APP: variants seen among roughly 807,000 people sequenced by gnomAD.
APP encodes amyloid beta precursor protein, also known as amyloid-beta precursor protein.
In APP, 31 loss-of-function variants were observed where a neutral mutation model predicts 101.4. That is an observed-to-expected ratio of 0.31 (90% CI 0.23 to 0.41). The LOEUF (loss-of-function observed/expected upper bound fraction) is 0.41, where lower values mean the gene tolerates loss of function less well. Among genes scored for constraint, APP ranks in the 10% least tolerant of loss-of-function variants. APP has a pLI of 1.00. For missense variants in APP, 839 were observed against 1,003.7 expected (o/e 0.84, Z 2.22); for synonymous variants, 366 against 364.4 (o/e 1.00, Z -0.05).
In APP at chr21:25,942,907, T is replaced by G. The variant is rs541741806; in HGVS notation, c.1687+11683A>C. On this transcript the variant is annotated intron_variant, in intron 13 of 17. Coordinates refer to ENST00000346798, the MANE Select transcript of APP (RefSeq NM_000484.4). Reference sequence around the variant, plus strand: ...CATCCATCTTCCCCACTGAACTATTTTCAATATTGCCAAATTGAACCTCTG... The same window carrying G: ...CATCCATCTTCCCCACTGAACTATTGTCAATATTGCCAAATTGAACCTCTG... 8 of 152,298 alleles carry G rather than the reference T, an allele frequency of 5.3e-5. No homozygotes were observed. In the South Asian group the frequency reaches 1.7e-3, roughly 32 times the overall value. 9.4% of individuals were successfully genotyped at this position (152,298 alleles called of 1,614,324 possible). A position where few individuals can be genotyped will look rare whatever the true frequency, so the allele number is the denominator to read the frequency against.
intron 14 of APP, among the ~76,000 whole-genome samples, chr21:25,909,620 T>G (rs931753354): frequency 6.6e-6 from 1 of 152,228 alleles, no homozygotes; most frequent in Non-Finnish European, 1.5e-5. Flanking sequence ...CACGCAGATT[T>G]TCTCCTAAGG....
chr21:25,969,856 AAAG>A (rs942906325), intron 11 of APP, among the ~76,000 whole-genome samples: 2 of 54,866 alleles, frequency 3.6e-5, no homozygotes, highest in Non-Finnish European at 7.2e-5. Context: ...AAAGAAAACA[AAAG>A]AAAAGAAAAG....
intron 11 of APP, among the ~76,000 whole-genome samples, chr21:25,960,520 T>G (rs1388656171): frequency 1.3e-5 from 2 of 152,172 alleles, no homozygotes; most frequent in East Asian, 3.9e-4. Flanking sequence ...CGCTGGCTTT[T>G]TTTTAGCTTT....
intron 5 of APP, among the ~76,000 whole-genome samples, chr21:26,026,586 A>G (rs2146801374): frequency 6.6e-6 from 1 of 152,358 alleles, no homozygotes; most frequent in East Asian, 1.9e-4. Flanking sequence ...TGTTTATTAA[A>G]GTCATGCCAA....
At chr21:26,035,126 A>ATTGTT (rs2045043795) in intron 5 of APP, among the ~76,000 whole-genome samples, 1 of 151,370 alleles carries the variant, frequency 6.6e-6, no homozygotes, top group African/African-American at 2.5e-5. Flanking sequence ...TCTCCACTAA[A>ATTGTT]AATTAAAAAA....
At chr21:26,102,239 C>A (rs2062077541) in intron 2 of APP, among the ~76,000 whole-genome samples, 8 of 151,946 alleles carry the variant, frequency 5.3e-5, no homozygotes, top group Admixed American at 5.2e-4. Context: ...CAGGTGCCCA[C>A]CACCACGCCC....
At position 25,954,610 on chromosome 21, in the gene APP, T is replaced by C. The variant is rs1277287512; in HGVS notation, c.1667A>G (p.Glu556Gly). 1.2e-6 allele frequency: 2 copies of C among 1,613,942 alleles called. No individual in the cohort carries two copies. The highest frequency in any genetic ancestry group is 1.7e-6 in the Non-Finnish European group (2 of 1,179,874). Residue 556 changes from glutamate to glycine, a missense_variant, in exon 13 of 18, where the codon GAG becomes GGG. By Grantham distance (98) the Glu-to-Gly change is moderately conservative. Coordinates refer to ENST00000346798, the MANE Select transcript of APP (RefSeq NM_000484.4). ...SLLYNVPAVA[E>G]EIQDEVDELL... is the part of the protein sequence containing the mutation. ...CTTACCAACTTCATCCTGAATCTCC[T>C]CGGCCACTGCAGGCACGTTGTAGAG... is the stretch of plus-strand genomic sequence containing the variant.
At chr21:26,110,647 G>A (rs985641761) in intron 2 of APP, among the ~76,000 whole-genome samples, 5 of 151,830 alleles carry the variant, frequency 3.3e-5, no homozygotes, top group African/African-American at 9.7e-5. Flanking sequence ...TAAACAGAGC[G>A]CTATCAAAAC....
chr21:25,928,838 C>T (rs567701259), intron 13 of APP: 9 of 151,666 alleles, frequency 5.9e-5, no homozygotes, highest in Non-Finnish European at 1.2e-4. Context: ...ATGGCAACCT[C>T]GGCCTCCTGA....
chr21:26,103,266 C>T (rs990723568), intron 2 of APP, among the ~76,000 whole-genome samples: 1 of 152,200 alleles, frequency 6.6e-6, no homozygotes, highest in Non-Finnish European at 1.5e-5. Context: ...CAAATCTGGA[C>T]TACACGCCAA....
chr21:25,959,981 G>C (rs890687503), intron 11 of APP, among the ~76,000 whole-genome samples: 3 of 152,138 alleles, frequency 2.0e-5, no homozygotes, highest in African/African-American at 7.2e-5. Context: ...TTCCCGGACT[G>C]AACTGAGGGT....
At chr21:26,041,564 G>A (rs569671841) in intron 5 of APP, among the ~76,000 whole-genome samples, 1 of 152,236 alleles carries the variant, frequency 6.6e-6, no homozygotes, top group South Asian at 2.1e-4. Flanking sequence ...GAATCCTACA[G>A]TATTTCTCAT....
At chr21:25,997,580 CT>C (rs760941382) in intron 7 of APP, among the ~76,000 whole-genome samples, 164 bp from the exon 8 acceptor site, 1 of 152,134 alleles carries the variant, frequency 6.6e-6, no homozygotes, top group Non-Finnish European at 1.5e-5. Context: ...AACATAAGAT[CT>C]ATTTTCGTAA....
At chr21:26,052,383 G>C (rs1292149294) in intron 4 of APP, among the ~76,000 whole-genome samples, 1 of 152,152 alleles carries the variant, frequency 6.6e-6, no homozygotes, top group Non-Finnish European at 1.5e-5. Context: ...AGGGACAGGG[G>C]ATCAAAATTG....
intron 6 of APP, among the ~76,000 whole-genome samples, chr21:26,019,587 T>C (rs2044245599): frequency 6.6e-6 from 1 of 152,236 alleles, no homozygotes; most frequent in Admixed American, 6.5e-5. Flanking sequence ...GGTCTGTGTG[T>C]GCTCATCATC....
chr21:25,943,558 C>A (rs920410165), intron 13 of APP, among the ~76,000 whole-genome samples: 2 of 152,026 alleles, frequency 1.3e-5, no homozygotes, highest in African/African-American at 4.8e-5. Context: ...GTTCAATTCT[C>A]CAACCTCAGC....
At chr21:26,100,602 T>C (rs1046725393) in intron 2 of APP, among the ~76,000 whole-genome samples, 1 of 152,214 alleles carries the variant, frequency 6.6e-6, no homozygotes, top group East Asian at 1.9e-4. Context: ...GAGAAACAAT[T>C]CGTGTCTGGG....
chr21:25,965,479 AT>A (rs1272070064), intron 11 of APP, among the ~76,000 whole-genome samples: 2 of 152,160 alleles, frequency 1.3e-5, no homozygotes, highest in Non-Finnish European at 1.5e-5. Flanking sequence ...ATTTCTTTTA[AT>A]TTTACCCTCT....
intron 17 of APP, among the ~76,000 whole-genome samples, chr21:25,884,544 T>C (rs902813397): frequency 5.3e-5 from 8 of 152,138 alleles, no homozygotes; most frequent in African/African-American, 1.7e-4. Flanking sequence ...AAAACCATGG[T>C]TAAAGATTAG....
Sources: gnomAD v4.1 joint callset for allele counts (sites outside exome capture counted in the v4.1 genomes callset) on GRCh38, gnomAD v4.1.1 for gene constraint, MANE v1.5 for transcripts, NCBI Gene and HGNC (gene_info 2026-07-23, HGNC 2026-07-21) for gene names.